PPM1L: variants seen among roughly 807,000 people sequenced by gnomAD.
The protein encoded by PPM1L is protein phosphatase 1L.
PPM1L carries 13 observed loss-of-function variants against 31.4 expected under a neutral mutation model. That is an observed-to-expected ratio of 0.41 (90% CI 0.27 to 0.66). The LOEUF (loss-of-function observed/expected upper bound fraction) is 0.66, where lower values mean the gene tolerates loss of function less well. PPM1L is among the 30% of genes least tolerant of loss of function. The probability of loss-of-function intolerance (pLI) is 0.29; values close to 1 mark genes in which losing one functional copy is unlikely to be tolerated. For synonymous variants in PPM1L, 184 were observed against 175.4 expected (o/e 1.05, Z -0.39); for missense variants, 326 against 453.7 (o/e 0.72, Z 2.56).
intron 1 of PPM1L, among the ~76,000 whole-genome samples, chr3:160,760,007 G>A (rs906102009): frequency 5.3e-5 from 8 of 151,960 alleles, no homozygotes; most frequent in Non-Finnish European, 1.0e-4. Flanking sequence ...CAAGAAGTCT[G>A]CAGTGCTGGG....
chr3:161,004,252 T>G (rs1390812351), intron 2 of PPM1L, among the ~76,000 whole-genome samples: 1 of 145,494 alleles, frequency 6.9e-6, no homozygotes, highest in East Asian at 2.0e-4. Flanking sequence ...CAGTATTTTA[T>G]TGAGGATTTT....
chr3:161,040,427 G>A (rs1297902203), intron 2 of PPM1L, among the ~76,000 whole-genome samples: 1 of 151,958 alleles, frequency 6.6e-6, no homozygotes, highest in Admixed American at 6.6e-5. Context: ...CTTAAGGGTG[G>A]GTATTTTCCA....
intron 1 of PPM1L, among the ~76,000 whole-genome samples, chr3:160,771,907 T>C (rs1412585240): frequency 1.3e-5 from 2 of 151,950 alleles, no homozygotes; most frequent in Non-Finnish European, 2.9e-5. Flanking sequence ...CCTTGGAGGA[T>C]TTTATTCTCT....
At chr3:160,889,963 A>G (rs2108045085) in intron 1 of PPM1L, among the ~76,000 whole-genome samples, 1 of 152,256 alleles carries the variant, frequency 6.6e-6, no homozygotes, top group South Asian at 2.1e-4. Context: ...TTTCATGTTA[A>G]AAACTCAAAC....
At chr3:160,789,127 T>C (rs1017056009) in intron 1 of PPM1L, among the ~76,000 whole-genome samples, 28 of 151,978 alleles carry the variant, frequency 1.8e-4, no homozygotes, top group African/African-American at 5.8e-4. Context: ...TTCTTTAATT[T>C]ATTAAAGATT....
chr3:160,847,058 C>T (rs1330041213), intron 1 of PPM1L, among the ~76,000 whole-genome samples: 3 of 152,084 alleles, frequency 2.0e-5, no homozygotes, highest in South Asian at 4.1e-4. Context: ...AAATCCAGAA[C>T]TCTGAATCTG....
chr3:160,758,259 A>G (rs1047082620), intron 1 of PPM1L, among the ~76,000 whole-genome samples: 4 of 152,200 alleles, frequency 2.6e-5, no homozygotes, highest in Non-Finnish European at 4.4e-5. Flanking sequence ...GGGCAAAAAC[A>G]TATCTTAATG....
intron 2 of PPM1L, among the ~76,000 whole-genome samples, chr3:160,989,042 T>C (rs1717049177): frequency 6.6e-6 from 1 of 152,190 alleles, no homozygotes; most frequent in Admixed American, 6.5e-5. Context: ...TGTTACTCAC[T>C]TCTGATGTGA....
chr3:160,971,402 C>T lies in PPM1L; in HGVS notation c.574+9492C>T, dbSNP rs1037298490. Reference sequence around the variant, plus strand: ...CCCACCACTAGAAATGCTCAGATGACCACGTGGCCCTTAACTCCAGGTGCA... The same window carrying T: ...CCCACCACTAGAAATGCTCAGATGATCACGTGGCCCTTAACTCCAGGTGCA... On this transcript the variant is annotated intron_variant, in intron 2 of 3. Coordinates refer to ENST00000498165, the MANE Select transcript of PPM1L (RefSeq NM_139245.4). 2.6e-5 allele frequency among the ~76,000 whole-genome samples: 4 copies of T among 152,296 alleles called. No individual in the cohort carries two copies. The East Asian group carries it at 7.7e-4, about 29-fold the overall frequency.
chr3:160,948,715 A>T (rs372129269), intron 1 of PPM1L, among the ~76,000 whole-genome samples: 7 of 152,136 alleles, frequency 4.6e-5, no homozygotes, highest in African/African-American at 1.4e-4. Flanking sequence ...TGTATGATTT[A>T]AAAAAGCTGT....
intron 1 of PPM1L, among the ~76,000 whole-genome samples, chr3:160,869,906 A>G (rs1438652862): frequency 2.6e-5 from 4 of 152,198 alleles, no homozygotes; most frequent in African/African-American, 9.6e-5. Flanking sequence ...AGGCATTGCT[A>G]TGGGATGCTT....
intron 1 of PPM1L, among the ~76,000 whole-genome samples, chr3:160,829,234 T>TA (rs1232764941): frequency 0.032 from 4,212 of 131,816 alleles, 83 homozygotes; most frequent in African/African-American, 0.047. Flanking sequence ...CCACCCTTGA[T>TA]AAAAAAAAAA....
chr3:160,850,500 C>A (rs563032260), intron 1 of PPM1L, among the ~76,000 whole-genome samples: 14 of 152,230 alleles, frequency 9.2e-5, no homozygotes, highest in Non-Finnish European at 1.8e-4. Context: ...AACCTCCAGT[C>A]CTGCCCCTCT....
intron 1 of PPM1L, among the ~76,000 whole-genome samples, chr3:160,772,212 G>A: frequency 6.6e-6 from 1 of 152,114 alleles, no homozygotes; most frequent in East Asian, 1.9e-4. Flanking sequence ...AGAGCCACAG[G>A]CCCTGATCTG....
intron 1 of PPM1L, among the ~76,000 whole-genome samples, chr3:160,884,569 A>G (rs1471544493): frequency 6.6e-6 from 1 of 152,204 alleles, no homozygotes; most frequent in Non-Finnish European, 1.5e-5. Flanking sequence ...TAATGTATTT[A>G]ATAATCGCTT....
Position 161,069,215 on chromosome 3 carries a change from T to C in PPM1L, c.*58T>C. 7.8e-7 allele frequency: 1 copy of C among 1,279,068 alleles called. No homozygotes were observed. The highest frequency in any genetic ancestry group is 1.1e-6 in the Non-Finnish European group (1 of 927,616). The allele number at this position is 1,279,068 out of a possible 1,614,324, so 79.2% of individuals were successfully genotyped here. ...AGGACTTTCAACACACTGGTCTCTT[T>C]TAATTTAGTGAAAAGTGTGGGAGTT... On this transcript the variant is annotated 3_prime_UTR_variant, in exon 4 of 4. Transcript: ENST00000498165.
chr3:160,922,267 A>G (rs369614836), intron 1 of PPM1L, among the ~76,000 whole-genome samples: 147 of 152,202 alleles, frequency 9.7e-4, no homozygotes, highest in African/African-American at 3.3e-3. Flanking sequence ...CCGAGATCAC[A>G]CCACTGCACT....
chr3:160,999,221 T>C (rs1232887214), intron 2 of PPM1L, among the ~76,000 whole-genome samples: 2 of 152,184 alleles, frequency 1.3e-5, no homozygotes, highest in Non-Finnish European at 2.9e-5. Flanking sequence ...TCCATTTTTA[T>C]AGATGAAGAG....
At chr3:161,000,564 T>C (rs1717449378) in intron 2 of PPM1L, among the ~76,000 whole-genome samples, 1 of 152,190 alleles carries the variant, frequency 6.6e-6, no homozygotes, top group Non-Finnish European at 1.5e-5. Context: ...AGAAGGCTGA[T>C]GAATCTGGAA....
Sources: allele counts gnomAD v4.1 joint callset (sites outside exome capture counted in the v4.1 genomes callset), GRCh38; gene constraint gnomAD v4.1.1; transcripts MANE v1.5; gene names NCBI Gene and HGNC (gene_info 2026-07-23, HGNC 2026-07-21).